RDX: variants seen among roughly 807,000 people sequenced by gnomAD.
The protein encoded by RDX is radixin.
Under a neutral mutation model 83.7 loss-of-function variants are expected in RDX, and 32 were observed. The observed-to-expected ratio is 0.38, with a 90% CI of 0.29 to 0.51. The LOEUF (loss-of-function observed/expected upper bound fraction) is 0.51. RDX is among the 20% of genes least tolerant of loss of function. RDX has a pLI of 0.87. For missense variants in RDX, 600 were observed against 689.9 expected (o/e 0.87, Z 1.46); for synonymous variants, 229 against 222.7 (o/e 1.03, Z -0.25).
At chr11:110,232,592 T>TA (rs780694962) in intron 13 of RDX, among the ~76,000 whole-genome samples, 1 of 151,558 alleles carries the variant, frequency 6.6e-6, no homozygotes, top group South Asian at 2.1e-4. Context: ...CATAGTATAT[T>TA]AACTATCATT....
At chr11:110,192,483 A>T (rs1460233207) in intron 15 of RDX, among the ~76,000 whole-genome samples, 1 of 152,262 alleles carries the variant, frequency 6.6e-6, no homozygotes, top group Non-Finnish European at 1.5e-5. Flanking sequence ...AGTCCTCAAA[A>T]GCAATTGCAG....
exon 15 of RDX, chr11:110,199,653 A>G: frequency 2.8e-6 from 2 of 703,050 alleles, no homozygotes; most frequent in South Asian, 3.0e-5. Context: ...CGCATCTGGA[A>G]CAATGCATAC....
intron 3 of RDX, among the ~76,000 whole-genome samples, chr11:110,267,785 G>A (rs1860119306): frequency 7.2e-6 from 1 of 139,158 alleles, no homozygotes; most frequent in African/African-American, 2.6e-5. Flanking sequence ...GGGAGACCTT[G>A]TCTCTTAAAA....
chr11:110,267,617 C>T (rs992319512), intron 3 of RDX, among the ~76,000 whole-genome samples: 2 of 150,660 alleles, frequency 1.3e-5, no homozygotes, highest in African/African-American at 4.9e-5. Context: ...CAAACTGAAC[C>T]CTTCCATTTA....
intron 14 of RDX, among the ~76,000 whole-genome samples, chr11:110,213,196 C>G (rs1263717807): frequency 6.6e-6 from 1 of 151,476 alleles, no homozygotes; most frequent in Non-Finnish European, 1.5e-5. Context: ...ACACCAACAA[C>G]AGACAAACAG....
At chr11:110,249,909 A>G (rs1483478242) in intron 9 of RDX, among the ~76,000 whole-genome samples, 1 of 152,094 alleles carries the variant, frequency 6.6e-6, no homozygotes, top group Non-Finnish European at 1.5e-5. Context: ...CCTGGTGGTC[A>G]TTCATGTAAG....
At chr11:110,179,264 C>G (rs1862834829) in intron 15 of RDX, among the ~76,000 whole-genome samples, 1 of 152,198 alleles carries the variant, frequency 6.6e-6, no homozygotes. Context: ...CCATCCATCA[C>G]ACGTGGAATC....
chr11:110,201,953 GTGTT>G (rs1863425723), intron 14 of RDX, among the ~76,000 whole-genome samples: 1 of 130,610 alleles, frequency 7.7e-6, no homozygotes, highest in Non-Finnish European at 1.6e-5. Flanking sequence ...GTGTGTGTGT[GTGTT>G]TTCAGTAGAG....
chr11:110,238,924 C>CA (rs35514627), intron 10 of RDX, among the ~76,000 whole-genome samples: 3 of 70,830 alleles, frequency 4.2e-5, no homozygotes, highest in African/African-American at 1.8e-4. Flanking sequence ...GACTCTGTCT[C>CA]AAAAAAAAAA....
intron 14 of RDX, among the ~76,000 whole-genome samples, chr11:110,215,613 G>A (rs535004382): frequency 1.4e-4 from 21 of 152,190 alleles, no homozygotes; most frequent in Non-Finnish European, 2.4e-4. Context: ...TATTCAAGTC[G>A]AACTTAAGAT....
At chr11:110,247,660 G>A in intron 10 of RDX, 43 bp downstream of exon 10, 1 of 1,594,234 alleles carries the variant, frequency 6.3e-7, no homozygotes, top group East Asian at 2.2e-5. Flanking sequence ...TGACAACAGA[G>A]CAATAATAAT....
At chr11:110,259,189 C>T (rs759049291) in intron 5 of RDX, among the ~76,000 whole-genome samples, 1 of 152,118 alleles carries the variant, frequency 6.6e-6, no homozygotes, top group Non-Finnish European at 1.5e-5. Context: ...CCACCTGCCT[C>T]GACCTCCCAA....
intron 13 of RDX, 89 bp from the exon 14 acceptor site, chr11:110,232,122 T>C (rs1352676832): frequency 3.0e-6 from 3 of 1,008,926 alleles, no homozygotes; most frequent in Admixed American, 1.9e-5. Flanking sequence ...AAAATACATA[T>C]ACCAAATCAT....
chr11:110,219,213 C>A (rs1864162008), intron 14 of RDX, among the ~76,000 whole-genome samples: 1 of 152,058 alleles, frequency 6.6e-6, no homozygotes, highest in Non-Finnish European at 1.5e-5. Flanking sequence ...AAAGTGTCTT[C>A]CAAGCTGAGT....
intron 14 of RDX, among the ~76,000 whole-genome samples, chr11:110,216,791 T>TA (rs1864070764): frequency 6.6e-6 from 1 of 152,198 alleles, no homozygotes; most frequent in Non-Finnish European, 1.5e-5. Context: ...TTGCTGGGAT[T>TA]ACAGGTGTAA....
chr11:110,217,009 G>A (rs143413881), intron 14 of RDX, among the ~76,000 whole-genome samples: 1 of 152,202 alleles, frequency 6.6e-6, no homozygotes, highest in Admixed American at 6.5e-5. Context: ...TCTTTGGACA[G>A]AGCAGGAGAC....
chr11:110,264,238 GA>G lies in RDX; in HGVS notation c.193-5del. Reference sequence around the variant, plus strand: ...TTTTAACATCCTGCTGTGTTACCTGGAAAAATAATTTCAAGTATAATCAACA... The same window carrying G: ...TTTTAACATCCTGCTGTGTTACCTGGAAAATAATTTCAAGTATAATCAACA... On this transcript the variant is annotated splice_polypyrimidine_tract_variant and splice_region_variant and intron_variant, in intron 4 of 13. Coordinates refer to ENST00000645495, the MANE Select transcript of RDX (RefSeq NM_002906.4). 1 of 1,589,888 alleles carries G rather than the reference GA, an allele frequency of 6.3e-7. No individual in the cohort carries two copies. Among genetic ancestry groups the G allele is most frequent in the Non-Finnish European group, 8.6e-7 (1 of 1,167,212 alleles).
At chr11:110,287,051 T>C (rs971225117) in intron 1 of RDX, 2 of 152,208 alleles carry the variant, frequency 1.3e-5, no homozygotes. Flanking sequence ...TTAAGTTATT[T>C]CGAGACAGCT....
chr11:110,284,217 T>C (rs1860884866), intron 1 of RDX, among the ~76,000 whole-genome samples: 1 of 152,234 alleles, frequency 6.6e-6, no homozygotes, highest in Admixed American at 6.5e-5. Context: ...CACAGCTTTT[T>C]TGAATGTGAA....
Sources: allele counts gnomAD v4.1 joint callset (sites outside exome capture counted in the v4.1 genomes callset), GRCh38; gene constraint gnomAD v4.1.1; transcripts MANE v1.5; gene names NCBI Gene and HGNC (gene_info 2026-07-23, HGNC 2026-07-21).